Variants in FSD1L observed in about 807,000 individuals in gnomAD.
The protein encoded by FSD1L is fibronectin type III and SPRY domain containing 1 like, also known as FSD1-like protein.
FSD1L carries 45 observed loss-of-function variants against 71.6 expected under a neutral mutation model. The observed-to-expected ratio is 0.63, with a 90% CI of 0.49 to 0.81. The LOEUF (loss-of-function observed/expected upper bound fraction) is 0.81, where lower values mean the gene tolerates loss of function less well. Ranked by LOEUF, FSD1L falls within the 30% of genes least tolerant of loss-of-function variation. The pLI, the probability that FSD1L is intolerant of heterozygous loss-of-function variation, is 0.00. For synonymous variants in FSD1L, 197 were observed against 207.2 expected, an observed-to-expected ratio of 0.95 and a Z score of 0.42; for missense variants, 561 against 618.1, an observed-to-expected ratio of 0.91 and a Z score of 0.98.
intron 2 of FSD1L, among the ~76,000 whole-genome samples, chr9:105,462,825 A>G (rs1830799186): frequency 6.8e-5 from 1 of 14,612 alleles, no homozygotes; most frequent in Non-Finnish European, 1.0e-4. Context: ...TCACTACTAC[A>G]ATACTTTATA....
At chr9:105,510,387 G>T (rs908779224) in intron 9 of FSD1L, among the ~76,000 whole-genome samples, 1 of 152,160 alleles carries the variant, frequency 6.6e-6, no homozygotes, top group Non-Finnish European at 1.5e-5. Flanking sequence ...CATTAGTGGG[G>T]CTACTAATGA....
At chr9:105,526,134 T>C (rs901890947) in intron 10 of FSD1L, 1 of 1,563,474 alleles carries the variant, frequency 6.4e-7, no homozygotes, top group Non-Finnish European at 8.8e-7. Context: ...ATGGTGCTAT[T>C]GTGAATGGAA....
At chr9:105,461,415 A>T in intron 1 of FSD1L, 105 bp from the exon 2 acceptor site, 1 of 489,748 alleles carries the variant, frequency 2.0e-6, no homozygotes, top group Non-Finnish European at 3.6e-6. Flanking sequence ...AAATGATAAT[A>T]TATTTTGAAT....
chr9:105,483,768 T>G (rs541445189), intron 6 of FSD1L, among the ~76,000 whole-genome samples: 1 of 152,302 alleles, frequency 6.6e-6, no homozygotes, highest in East Asian at 1.9e-4. Context: ...TACAGTAGGC[T>G]TCCCTATAGC....
intron 6 of FSD1L, among the ~76,000 whole-genome samples, chr9:105,483,355 AGATTTGGCAGATCCAATT>A (rs1832333773): frequency 6.6e-6 from 1 of 152,202 alleles, no homozygotes; most frequent in Admixed American, 6.5e-5. Flanking sequence ...CTTCTTGGGT[AGATTTGGCAGATCCAATT>A]GATTTGGCAG....
intron 10 of FSD1L, among the ~76,000 whole-genome samples, chr9:105,527,817 A>T (rs1234281852): frequency 6.6e-6 from 1 of 152,210 alleles, no homozygotes; most frequent in Non-Finnish European, 1.5e-5. Context: ...AGAGAAAGAA[A>T]TAAAGCGTAT....
chr9:105,522,497 T>C (rs1356335818), intron 10 of FSD1L: 1 of 1,613,312 alleles, frequency 6.2e-7, no homozygotes, highest in East Asian at 2.2e-5. Context: ...AGGCGAGGAG[T>C]ATAGTACGGC....
chr9:105,464,295 T>C lies in FSD1L; in HGVS notation c.171T>C (p.Phe57=). 1.2e-5 allele frequency: 18 copies of C among 1,528,134 alleles called. No individual in the cohort carries two copies. The highest frequency in any genetic ancestry group is 1.6e-5 in the Non-Finnish European group (18 of 1,129,026). The allele number at this position is 1,528,134 out of a possible 1,614,324, so 94.7% of individuals were successfully genotyped here. A position where few individuals can be genotyped will look rare whatever the true frequency, so the allele number is the denominator to read the frequency against. ...ATAAAAATGATGAAATTCAGAACTT[T>C]ATTGATACACTACATCATACACTAA... ...LANKNDEIQN[F]IDTLHHTLKG... is the part of the protein sequence containing the mutation. The change falls in exon 3 of 14, where the codon TTT becomes TTC. Residue 57 remains phenylalanine, a synonymous_variant. Coordinates refer to ENST00000481272, the MANE Select transcript of FSD1L (RefSeq NM_001145313.3).
chr9:105,531,892 TCTTC>T (rs1278867255), intron 10 of FSD1L, among the ~76,000 whole-genome samples: 1 of 152,258 alleles, frequency 6.6e-6, no homozygotes, highest in East Asian at 1.9e-4. Flanking sequence ...ACTTTCGCCC[TCTTC>T]CTTTTCATGT....
chr9:105,503,626 A>G (rs2131347056), intron 7 of FSD1L, among the ~76,000 whole-genome samples: 1 of 152,312 alleles, frequency 6.6e-6, no homozygotes. Flanking sequence ...GCTTTATGGA[A>G]GTATGTAGGT....
intron 7 of FSD1L, among the ~76,000 whole-genome samples, chr9:105,492,595 G>T (rs1048424864): frequency 1.3e-5 from 2 of 152,080 alleles, no homozygotes; most frequent in African/African-American, 4.8e-5. Flanking sequence ...TGATGTTAGG[G>T]TGTGAATTTT....
chr9:105,541,226 G>T (rs886668965), intron 13 of FSD1L, among the ~76,000 whole-genome samples: 9 of 151,286 alleles, frequency 5.9e-5, no homozygotes, highest in African/African-American at 2.2e-4. Flanking sequence ...TAAGTGATTA[G>T]TGACTAAAGT....
intron 10 of FSD1L, chr9:105,521,404 G>A (rs1835143978): frequency 6.2e-7 from 1 of 1,614,040 alleles, no homozygotes; most frequent in South Asian, 1.1e-5. Flanking sequence ...TCTAGTCTCT[G>A]TAGTATTGAT....
At chr9:105,539,033 GATTATAGAGGT>G (rs1409880884) in intron 12 of FSD1L, among the ~76,000 whole-genome samples, 10 of 152,126 alleles carry the variant, frequency 6.6e-5, no homozygotes, top group Non-Finnish European at 1.3e-4. Context: ...AATCGTGCTA[GATTATAGAGGT>G]ATTATAGAGG....
upstream of FSD1L, among the ~76,000 whole-genome samples, chr9:105,445,730 TAC>T (rs1470345084): frequency 6.6e-6 from 1 of 152,310 alleles, no homozygotes; most frequent in South Asian, 2.1e-4. Context: ...TCAACTGCAG[TAC>T]ACAGTGTGAA....
chr9:105,462,823 A>G (rs1352182957), intron 2 of FSD1L, among the ~76,000 whole-genome samples: 2 of 14,656 alleles, frequency 1.4e-4, no homozygotes, highest in Non-Finnish European at 2.0e-4. Flanking sequence ...TTTCACTACT[A>G]CAATACTTTA....
At chr9:105,545,961 G>A (rs549674616) in intron 13 of FSD1L, among the ~76,000 whole-genome samples, 1 of 151,952 alleles carries the variant, frequency 6.6e-6, no homozygotes, top group Non-Finnish European at 1.5e-5. Flanking sequence ...ATAGTCTCAG[G>A]CCATATCTCA....
intron 9 of FSD1L, among the ~76,000 whole-genome samples, chr9:105,509,675 T>C (rs767896627): frequency 1.2e-4 from 19 of 152,240 alleles, no homozygotes; most frequent in Non-Finnish European, 2.5e-4. Flanking sequence ...CTATAAGTTA[T>C]TGATGAGACA....
At chr9:105,538,115 G>A (rs1836380528) in intron 12 of FSD1L, among the ~76,000 whole-genome samples, 1 of 152,154 alleles carries the variant, frequency 6.6e-6, no homozygotes. Context: ...TTGAAATTCA[G>A]TGCTAGAATT....
Sources: allele counts gnomAD v4.1 joint callset (sites outside exome capture counted in the v4.1 genomes callset), GRCh38; gene constraint gnomAD v4.1.1; transcripts MANE v1.5; gene names NCBI Gene and HGNC (gene_info 2026-07-23, HGNC 2026-07-21).